ZNF609: variants seen among roughly 807,000 people sequenced by gnomAD.
ZNF609 encodes the protein zinc finger protein 609.
A neutral mutation model predicts 109.5 loss-of-function variants in ZNF609; 11 were observed. That is an observed-to-expected ratio of 0.10 (90% confidence interval 0.06 to 0.17). The LOEUF (loss-of-function observed/expected upper bound fraction) is 0.17, where lower values mean the gene tolerates loss of function less well. Ranked by LOEUF, ZNF609 falls within the 10% of genes least tolerant of loss-of-function variation. ZNF609 has a pLI of 1.00. For missense variants in ZNF609, 1,559 were observed against 1,772.4 expected (o/e 0.88, Z 2.16); for synonymous variants, 646 against 662.0 (o/e 0.98, Z 0.37).
intron 2 of ZNF609, among the ~76,000 whole-genome samples, chr15:64,584,977 A>C (rs1241190482): frequency 6.6e-6 from 1 of 151,682 alleles, no homozygotes; most frequent in Non-Finnish European, 1.5e-5. Flanking sequence ...TCTCTAAGAA[A>C]AAAGAAAAAA....
chr15:64,680,331 G>T lies in ZNF609; in HGVS notation c.3916G>T (p.Ala1306Ser). ...AGCCCTGGACATCTTGCAGCAGCAT[G>T]CCAGTCACTACAAGAGCAAGTCTCC... ...SKALDILQQH[A>S]SHYKSKSPTI... The change falls in exon 7 of 10, where the codon GCC becomes TCC. Residue 1306 changes from alanine (A) to serine (S), a missense_variant. Ala to Ser is a moderately conservative substitution (Grantham distance 99). Around this residue, in one of 4 missense-constraint regions of ZNF609, gnomAD observed 1,204 missense variants for 1,314.1 expected, o/e 0.92. Transcript: ENST00000326648. 1 of 1,614,178 alleles carries T rather than the reference G, an allele frequency of 6.2e-7. No individual in the cohort carries two copies. The highest frequency in any genetic ancestry group is 8.5e-7 in the Non-Finnish European group (1 of 1,180,028).
At chr15:64,608,842 G>A (rs1895657650) in intron 2 of ZNF609, among the ~76,000 whole-genome samples, 1 of 151,762 alleles carries the variant, frequency 6.6e-6, no homozygotes, top group African/African-American at 2.4e-5. Context: ...GGGCCCAAGC[G>A]ATCCTCCCAC....
At chr15:64,511,686 C>T (rs1197177668) in intron 2 of ZNF609, among the ~76,000 whole-genome samples, 1 of 150,344 alleles carries the variant, frequency 6.7e-6, no homozygotes, top group Non-Finnish European at 1.5e-5. Context: ...TGGATAAAAT[C>T]TTTGTGGCTG....
chr15:64,550,506 C>A (rs1019035171), intron 2 of ZNF609, among the ~76,000 whole-genome samples: 4 of 150,178 alleles, frequency 2.7e-5, no homozygotes, highest in Non-Finnish European at 5.9e-5. Context: ...CCAGCCTGGG[C>A]AACATAGCAA....
At chr15:64,647,749 A>C (rs975996937) in intron 3 of ZNF609, among the ~76,000 whole-genome samples, 32 of 152,210 alleles carry the variant, frequency 2.1e-4, no homozygotes, top group African/African-American at 7.7e-4. Context: ...GCTCTTCAAG[A>C]GCTGAGCTTC....
intron 2 of ZNF609, among the ~76,000 whole-genome samples, chr15:64,542,121 T>TCACACA (rs532238775): frequency 4.0e-5 from 6 of 150,898 alleles, no homozygotes; most frequent in Non-Finnish European, 8.9e-5. Flanking sequence ...CCCATCTCTC[T>TCACACA]CACACACACA....
At chr15:64,581,294 C>T (rs1895100065) in intron 2 of ZNF609, among the ~76,000 whole-genome samples, 2 of 152,054 alleles carry the variant, frequency 1.3e-5, no homozygotes, top group South Asian at 2.1e-4. Context: ...GGCATGTATA[C>T]GTCCTTGTGC....
At chr15:64,495,751 CT>C (rs112898156) in intron 1 of ZNF609, among the ~76,000 whole-genome samples, 3,400 of 136,156 alleles carry the variant, frequency 0.025, 119 homozygotes, top group African/African-American at 0.075. Flanking sequence ...TTCCTTGTAT[CT>C]TTTTTTTTTT....
At chr15:64,518,979 G>A (rs1225949204) in intron 2 of ZNF609, among the ~76,000 whole-genome samples, 1 of 151,910 alleles carries the variant, frequency 6.6e-6, no homozygotes, top group African/African-American at 2.4e-5. Flanking sequence ...TAGGGCATAC[G>A]GTTTAGTAGG....
intron 3 of ZNF609, among the ~76,000 whole-genome samples, chr15:64,641,091 A>G (rs1239758016): frequency 6.6e-6 from 1 of 152,068 alleles, no homozygotes; most frequent in Non-Finnish European, 1.5e-5. Context: ...CTTCAAATTG[A>G]CACTTGCTTA....
intron 3 of ZNF609, among the ~76,000 whole-genome samples, chr15:64,641,784 C>A (rs1315653660): frequency 6.6e-6 from 1 of 151,990 alleles, no homozygotes; most frequent in Non-Finnish European, 1.5e-5. Context: ...TCTCCAGAGG[C>A]TTTGAACATT....
At chr15:64,472,343 G>C (rs977509113) in intron 1 of ZNF609, among the ~76,000 whole-genome samples, 2 of 152,240 alleles carry the variant, frequency 1.3e-5, no homozygotes, top group Non-Finnish European at 2.9e-5. Flanking sequence ...AGATGAGGCA[G>C]TTAGTCCATA....
chr15:64,673,686 G>A (rs1248678688), intron 4 of ZNF609, among the ~76,000 whole-genome samples: 5 of 152,132 alleles, frequency 3.3e-5, no homozygotes, highest in African/African-American at 7.2e-5. Context: ...ACTATCTTAC[G>A]GAACAGATTC....
At chr15:64,631,183 C>T (rs1370172576) in intron 3 of ZNF609, 3 of 615,522 alleles carry the variant, frequency 4.9e-6, no homozygotes, top group Middle Eastern at 4.6e-4. Flanking sequence ...AAGTGTGCTT[C>T]TCTGGGTAGA....
intron 1 of ZNF609, among the ~76,000 whole-genome samples, chr15:64,481,340 G>A (rs1316560494): frequency 2.3e-5 from 3 of 130,662 alleles, no homozygotes; most frequent in Non-Finnish European, 4.7e-5. Flanking sequence ...TTTTTTTTGA[G>A]ACGGAGTTTC....
intron 2 of ZNF609, among the ~76,000 whole-genome samples, chr15:64,601,637 A>C (rs1895498943): frequency 6.6e-6 from 1 of 152,246 alleles, no homozygotes; most frequent in Admixed American, 6.5e-5. Context: ...ATTTAAGTCC[A>C]AATTAATCAT....
Position 64,606,644 on chromosome 15 carries a change from C to G in ZNF609, c.748-16183C>G, listed in dbSNP as rs989561988. Among the ~76,000 whole-genome samples, 50 of 151,876 alleles carry G rather than the reference C, an allele frequency of 3.3e-4. 1 individual carries two copies. The highest frequency in any genetic ancestry group is 1.2e-3 in the African/African-American group (48 of 41,418). ...CAGGCTAGCCTCAAATTCCTGAGTT[C>G]AAGCAGTCCTCCAACCTTGGCCTAC... On this transcript the variant is annotated intron_variant, in intron 2 of 9. Transcript: ENST00000326648.
rs1894073488 is a variant in ZNF609 at position 64,532,266 on chromosome 15, A to G, written c.747+32100A>G. On this transcript the variant is annotated intron_variant, in intron 2 of 9. Transcript: ENST00000326648. ...CTGTACCCTCCTTTTATCCTATCCC[A>G]TTATTTTTTCTCGAAGCACTAATCT... Among the ~76,000 whole-genome samples the G allele has an allele frequency of 1.3e-5, 2 of 152,126 alleles. 1 individual carries two copies. The highest frequency in any genetic ancestry group is 4.2e-4 in the South Asian group (2 of 4,798).
At chr15:64,605,663 A>G (rs1895582023) in intron 2 of ZNF609, among the ~76,000 whole-genome samples, 1 of 152,146 alleles carries the variant, frequency 6.6e-6, no homozygotes, top group African/African-American at 2.4e-5. Flanking sequence ...AGGCTCAGAA[A>G]GATTGCATAA....
Sources: gnomAD v4.1 joint callset for allele counts (sites outside exome capture counted in the v4.1 genomes callset) on GRCh38, gnomAD v4.1.1 for gene constraint, gnomAD v4.1.1 regional missense constraint, MANE v1.5 for transcripts, NCBI Gene and HGNC (gene_info 2026-07-23, HGNC 2026-07-21) for gene names.